ARHGAP44: variants seen among roughly 807,000 people sequenced by gnomAD.
The protein encoded by ARHGAP44 is rho GTPase-activating protein 44.
Under a neutral mutation model 106.8 loss-of-function variants are expected in ARHGAP44, and 43 were observed. The ratio of observed to expected loss-of-function variants is 0.40; its 90% CI spans 0.32 to 0.52. The LOEUF (loss-of-function observed/expected upper bound fraction) is 0.52. Among genes scored for constraint, ARHGAP44 ranks in the 20% least tolerant of loss-of-function variants. ARHGAP44 has a pLI of 0.48. For missense variants in ARHGAP44, 866 were observed against 1,050.5 expected (o/e 0.82, Z 2.43); for synonymous variants, 439 against 410.3 (o/e 1.07, Z -0.85).
chr17:12,825,858 G>A (rs1228601430), intron 1 of ARHGAP44, among the ~76,000 whole-genome samples: 1 of 152,160 alleles, frequency 6.6e-6, no homozygotes, highest in Non-Finnish European at 1.5e-5. Context: ...TGTATGACAT[G>A]TAGAAGGCAG....
At position 12,946,917 on chromosome 17, in the gene ARHGAP44, C is replaced by T. The variant is rs568020385; in HGVS notation, c.862-2223C>T. On this transcript the variant is annotated intron_variant, in intron 10 of 20. Coordinates refer to ENST00000379672, the MANE Select transcript of ARHGAP44 (RefSeq NM_014859.6). Reference sequence around the variant, plus strand: ...AGTACCTTTGACATCTCCCAGCTCCCGTCTCTGCCCTTTCTGGGCTACTCC... The same window carrying T: ...AGTACCTTTGACATCTCCCAGCTCCTGTCTCTGCCCTTTCTGGGCTACTCC... 5.3e-5 allele frequency among the ~76,000 whole-genome samples: 8 copies of T among 152,164 alleles called. No homozygotes were observed. The East Asian group carries it at 1.3e-3, about 26-fold the overall frequency.
At chr17:12,874,101 G>A (rs2036484466) in intron 1 of ARHGAP44, among the ~76,000 whole-genome samples, 1 of 152,120 alleles carries the variant, frequency 6.6e-6, no homozygotes, top group South Asian at 2.1e-4. Flanking sequence ...GCAGTTCTCT[G>A]TGCCAATCCT....
At chr17:12,882,028 T>C (rs2036753705) in intron 1 of ARHGAP44, among the ~76,000 whole-genome samples, 1 of 152,134 alleles carries the variant, frequency 6.6e-6, no homozygotes, top group Non-Finnish European at 1.5e-5. Flanking sequence ...ATTCTGCTTG[T>C]GAAATTATTT....
In ARHGAP44 at chr17:12,789,714, G is replaced by C; in HGVS notation, c.-125G>C. 2.4e-6 allele frequency: 2 copies of C among 839,668 alleles called. No homozygotes were observed. The highest frequency in any genetic ancestry group is 3.3e-6 in the Non-Finnish European group (2 of 613,068). The allele number at this position is 839,668 out of a possible 1,614,324, so 52.0% of individuals were successfully genotyped here. On this transcript the variant is annotated 5_prime_UTR_variant, in exon 1 of 21. Coordinates refer to ENST00000379672, the MANE Select transcript of ARHGAP44 (RefSeq NM_014859.6). ...GCTGCGCGCGGGCCAGACGGCGCCC[G>C]GAGGCTCCGCAGTGCCGCCGCCGTC... is the stretch of plus-strand genomic sequence containing the variant.
intron 1 of ARHGAP44, among the ~76,000 whole-genome samples, chr17:12,812,232 C>G (rs62060412): frequency 0.15 from 23,015 of 152,062 alleles, 2,158 homozygotes; most frequent in African/African-American, 0.26. Context: ...TTTACTTATG[C>G]CCTAAGATAG....
intron 18 of ARHGAP44, among the ~76,000 whole-genome samples, chr17:12,976,870 G>A (rs2039697547): frequency 6.6e-6 from 1 of 152,124 alleles, no homozygotes; most frequent in Non-Finnish European, 1.5e-5. Flanking sequence ...AGGTGAGGCC[G>A]ACCAGGAGGA....
intron 1 of ARHGAP44, among the ~76,000 whole-genome samples, chr17:12,812,830 A>G (rs543518477): frequency 1.3e-5 from 2 of 152,314 alleles, no homozygotes; most frequent in South Asian, 4.1e-4. Context: ...CTTTTTTTAA[A>G]CAAGCTACTC....
chr17:12,829,170 A>C (rs971989427), intron 1 of ARHGAP44, among the ~76,000 whole-genome samples: 7 of 152,118 alleles, frequency 4.6e-5, no homozygotes, highest in African/African-American at 1.4e-4. Flanking sequence ...GGGGGGTCCA[A>C]ACTACCTGTT....
At chr17:12,839,369 T>C (rs1191975427) in intron 1 of ARHGAP44, among the ~76,000 whole-genome samples, 3 of 152,334 alleles carry the variant, frequency 2.0e-5, no homozygotes, top group South Asian at 2.1e-4. Context: ...TCGGTCACCC[T>C]GTGGGTCCTT....
At chr17:12,903,373 A>C (rs1459970158) in intron 3 of ARHGAP44, among the ~76,000 whole-genome samples, 1 of 152,048 alleles carries the variant, frequency 6.6e-6, no homozygotes, top group East Asian at 1.9e-4. Context: ...TGCATTCTAG[A>C]GCTAGGGAGA....
At chr17:12,890,693 G>A (rs1302127083) in intron 1 of ARHGAP44, among the ~76,000 whole-genome samples, 2 of 152,120 alleles carry the variant, frequency 1.3e-5, no homozygotes, top group Non-Finnish European at 2.9e-5. Context: ...TTCTCAAAGG[G>A]GACACTTGGC....
At chr17:12,802,770 T>C (rs2034133693) in intron 1 of ARHGAP44, among the ~76,000 whole-genome samples, 1 of 134,844 alleles carries the variant, frequency 7.4e-6, no homozygotes, top group Admixed American at 7.4e-5. Flanking sequence ...TTTTTTTTTT[T>C]TTTTTTGATA....
At chr17:12,870,569 A>G (rs1234799265) in intron 1 of ARHGAP44, among the ~76,000 whole-genome samples, 1 of 152,126 alleles carries the variant, frequency 6.6e-6, no homozygotes, top group Non-Finnish European at 1.5e-5. Context: ...AGGGTTTATA[A>G]TGAAAAGGTA....
intron 1 of ARHGAP44, among the ~76,000 whole-genome samples, chr17:12,816,061 AG>A (rs1315776084): frequency 1.3e-5 from 2 of 152,108 alleles, no homozygotes; most frequent in African/African-American, 4.8e-5. Context: ...CGCAGTTGAA[AG>A]GGGAAGTGAG....
intron 1 of ARHGAP44, among the ~76,000 whole-genome samples, chr17:12,888,383 T>G (rs895872901): frequency 6.6e-6 from 1 of 152,204 alleles, no homozygotes; most frequent in East Asian, 1.9e-4. Flanking sequence ...TTCCACGTAT[T>G]TGAAAATTTT....
chr17:12,932,307 C>T (rs537948494), intron 7 of ARHGAP44, among the ~76,000 whole-genome samples: 35 of 152,286 alleles, frequency 2.3e-4, no homozygotes, highest in African/African-American at 8.4e-4. Flanking sequence ...GGACATTCTT[C>T]ATGTATTTAT....
At chr17:12,892,795 T>G (rs1293195490) in intron 1 of ARHGAP44, among the ~76,000 whole-genome samples, 2 of 87,126 alleles carry the variant, frequency 2.3e-5, no homozygotes, top group Non-Finnish European at 5.9e-5. Flanking sequence ...TCAACTGAGT[T>G]TTTTTTTTTT....
chr17:12,974,204 GCTGCGCCCCTGC>G lies in ARHGAP44; in HGVS notation c.1660_1671del (p.Ala554_Pro557del). 1.9e-6 allele frequency: 3 copies of G among 1,548,100 alleles called. No individual in the cohort carries two copies. The highest frequency in any genetic ancestry group is 2.6e-6 in the Non-Finnish European group (3 of 1,146,464). On this transcript the variant is annotated inframe_deletion, in exon 18 of 21. Coordinates refer to ENST00000379672, the MANE Select transcript of ARHGAP44 (RefSeq NM_014859.6). ...GCCTCCCGCCCCGCCCGCCGAGCTG[GCTGCGCCCCTGC>G]CTTCGCCGCTGCCGGAGCAGCCCCT...
At chr17:12,822,873 G>C (rs2034811080) in intron 1 of ARHGAP44, among the ~76,000 whole-genome samples, 1 of 152,200 alleles carries the variant, frequency 6.6e-6, no homozygotes, top group African/African-American at 2.4e-5. Context: ...TGCACAGCTT[G>C]CGTTCTGTTC....
Sources: allele counts gnomAD v4.1 joint callset (sites outside exome capture counted in the v4.1 genomes callset), GRCh38; gene constraint gnomAD v4.1.1; transcripts MANE v1.5; gene names NCBI Gene and HGNC (gene_info 2026-07-23, HGNC 2026-07-21).